The following DYNLL2 variants were observed in gnomAD, a reference collection of about 807,000 sequenced individuals.
DYNLL2 encodes dynein light chain 2, cytoplasmic.
DYNLL2 carries 1 observed loss-of-function variant against 9.7 expected under a neutral mutation model. The ratio of observed to expected loss-of-function variants is 0.10; its 90% CI spans 0.04 to 0.49. DYNLL2 has a LOEUF of 0.49. Ranked by LOEUF, DYNLL2 falls within the 20% of genes least tolerant of loss-of-function variation. The probability of loss-of-function intolerance (pLI) is 0.95; values close to 1 mark genes in which losing one functional copy is unlikely to be tolerated. For missense variants in DYNLL2, 37 were observed against 115.2 expected (o/e 0.32, Z 3.11); for synonymous variants, 35 against 40.5 (o/e 0.86, Z 0.52).
intron 2 of DYNLL2, among the ~76,000 whole-genome samples, chr17:58,087,502 T>A (rs1156513365): frequency 6.6e-6 from 1 of 152,150 alleles, no homozygotes; most frequent in Non-Finnish European, 1.5e-5. Flanking sequence ...AAGGATAAGA[T>A]TATGCAGAGA....
In DYNLL2 at chr17:58,089,773, G is replaced by A; in HGVS notation, c.*494G>A. The A allele has an allele frequency of 2.5e-6, 1 of 401,066 alleles. No individual in the cohort carries two copies. Among genetic ancestry groups the A allele is most frequent in the Non-Finnish European group, 4.4e-6 (1 of 227,974 alleles). The allele number at this position is 401,066 out of a possible 1,614,324, so 24.8% of individuals were successfully genotyped here. A position where few individuals can be genotyped will look rare whatever the true frequency, so the allele number is the denominator to read the frequency against. ...CAAGGAAAAAGGGGTAGGAAGGAAGGTGGAGGGATTGATCTAGTACCAGGG... is the reference window on the plus strand; with the variant it reads ...CAAGGAAAAAGGGGTAGGAAGGAAGATGGAGGGATTGATCTAGTACCAGGG... On this transcript the variant is annotated 3_prime_UTR_variant, in exon 3 of 3. Coordinates refer to ENST00000579991, the MANE Select transcript of DYNLL2 (RefSeq NM_080677.3).
chr17:58,084,139 G>A (rs1398714344), intron 1 of DYNLL2, among the ~76,000 whole-genome samples: 1 of 151,982 alleles, frequency 6.6e-6, no homozygotes, highest in African/African-American at 2.4e-5. Context: ...GGCCGGGTGG[G>A]GGAGGGCGGC....
intron 2 of DYNLL2, 67 bp from the exon 3 acceptor site, chr17:58,089,074 TC>T: frequency 6.3e-7 from 1 of 1,589,596 alleles, no homozygotes; most frequent in Non-Finnish European, 8.6e-7. Flanking sequence ...AGGGAGAGAC[TC>T]CCATTCTGAT....
rs1462288593 is a variant in DYNLL2, at chr17:58,095,358, T to C, written c.*6079T>C. The C allele has an allele frequency of 6.6e-6, 1 of 152,178 alleles. No homozygotes were observed. Among genetic ancestry groups the C allele is most frequent in the East Asian group, 1.9e-4 (1 of 5,200 alleles). 9.4% of individuals were successfully genotyped at this position (152,178 alleles called of 1,614,324 possible). On this transcript the variant is annotated 3_prime_UTR_variant, in exon 3 of 3. Transcript: ENST00000579991. ...CCTGTGGACCATAGTATACCAACCCTTAATCTAAATGACACATTCACATGA... is the reference window on the plus strand; with the variant it reads ...CCTGTGGACCATAGTATACCAACCCCTAATCTAAATGACACATTCACATGA...
Position 58,093,546 on chromosome 17 carries a change from T to C in DYNLL2, c.*4267T>C, listed in dbSNP as rs561692480. ...ACTTAGCACTGTGATGCACAAAGGC[T>C]TAACTGGGTTTGGCAGCAAGGGTCT... On this transcript the variant is annotated 3_prime_UTR_variant, in exon 3 of 3. Transcript: ENST00000579991. The C allele has an allele frequency of 6.6e-6, 1 of 152,150 alleles. No homozygotes were observed. The highest frequency in any genetic ancestry group is 2.4e-5 in the African/African-American group (1 of 41,422). 9.4% of individuals were successfully genotyped at this position (152,150 alleles called of 1,614,324 possible). A position where few individuals can be genotyped will look rare whatever the true frequency, so the allele number is the denominator to read the frequency against.
In DYNLL2 at chr17:58,090,214, C is replaced by CTGTGTATATGTGTGAATATG. The variant is rs2075775095; in HGVS notation, c.*950_*969dup. ...CAAATTGATGTCTCCCTTGACTCTT[C>CTGTGTATATGTGTGAATATG]TGTGTATATGTGTGAATATGTGTGT... is the stretch of plus-strand genomic sequence containing the variant. On this transcript the variant is annotated 3_prime_UTR_variant, in exon 3 of 3. Transcript: ENST00000579991. 6.7e-6 allele frequency: 2 copies of CTGTGTATATGTGTGAATATG among 297,416 alleles called. No individual in the cohort carries two copies. Among genetic ancestry groups the CTGTGTATATGTGTGAATATG allele is most frequent in the African/African-American group, 4.4e-5 (2 of 45,968 alleles). The allele number at this position is 297,416 out of a possible 1,614,324, so 18.4% of individuals were successfully genotyped here. A position where few individuals can be genotyped will look rare whatever the true frequency, so the allele number is the denominator to read the frequency against.
Position 58,089,396 on chromosome 17 carries a change from C to A in DYNLL2, c.*117C>A. 1.5e-6 allele frequency: 2 copies of A among 1,343,896 alleles called. No homozygotes were observed. The highest frequency in any genetic ancestry group is 2.0e-6 in the Non-Finnish European group (2 of 978,224). The allele number at this position is 1,343,896 out of a possible 1,614,324, so 83.2% of individuals were successfully genotyped here. The stretch of plus-strand genomic sequence containing the variant: ...GTCCTCTCCAATGGCTGTGCTACTG[C>A]ATGGACTGTATACTCGATTTCATGT... On this transcript the variant is annotated 3_prime_UTR_variant, in exon 3 of 3. Transcript: ENST00000579991.
At position 58,090,664 on chromosome 17, in the gene DYNLL2, T is replaced by C. The variant is rs1011928080; in HGVS notation, c.*1385T>C. On this transcript the variant is annotated 3_prime_UTR_variant, in exon 3 of 3. Transcript: ENST00000579991. ...GTCTTGCAGTGGTGAAGCCAGGACATAGGAGATGGAGCAGGGCTGTGAGAG... is the reference window on the plus strand; with the variant it reads ...GTCTTGCAGTGGTGAAGCCAGGACACAGGAGATGGAGCAGGGCTGTGAGAG... 4.7e-5 allele frequency: 7 copies of C among 149,078 alleles called. No individual in the cohort carries two copies. Among genetic ancestry groups the C allele is most frequent in the African/African-American group, 1.8e-4 (7 of 39,836 alleles). The allele number at this position is 149,078 out of a possible 1,614,324, so 9.2% of individuals were successfully genotyped here. A position where few individuals can be genotyped will look rare whatever the true frequency, so the allele number is the denominator to read the frequency against.
chr17:58,085,741 T>C (rs2075757752), intron 1 of DYNLL2, among the ~76,000 whole-genome samples: 1 of 152,210 alleles, frequency 6.6e-6, no homozygotes, highest in Non-Finnish European at 1.5e-5. Context: ...GAAACAAGGC[T>C]ATTAAAATCT....
chr17:58,093,847 AC>A lies in DYNLL2; in HGVS notation c.*4569del, dbSNP rs976686602. The A allele has an allele frequency of 1.3e-5, 2 of 151,108 alleles. No homozygotes were observed. Among genetic ancestry groups the A allele is most frequent in the African/African-American group, 4.9e-5 (2 of 40,722 alleles). 9.4% of individuals were successfully genotyped at this position (151,108 alleles called of 1,614,324 possible). A position where few individuals can be genotyped will look rare whatever the true frequency, so the allele number is the denominator to read the frequency against. The stretch of plus-strand genomic sequence containing the variant: ...GCATAGCCCCTTCACTACCCTAGTA[AC>A]AAGTATGACCTGTTGCCTGTTGAGG... On this transcript the variant is annotated 3_prime_UTR_variant, in exon 3 of 3. Coordinates refer to ENST00000579991, the MANE Select transcript of DYNLL2 (RefSeq NM_080677.3).
At chr17:58,088,353 T>C (rs780417871) in intron 2 of DYNLL2, among the ~76,000 whole-genome samples, 5 of 152,212 alleles carry the variant, frequency 3.3e-5, no homozygotes, top group Non-Finnish European at 7.3e-5. Flanking sequence ...AGAGAAGTTG[T>C]ATGTTGAGCA....
At chr17:58,085,531 A>AG (rs1243990979) in intron 1 of DYNLL2, among the ~76,000 whole-genome samples, 3 of 152,076 alleles carry the variant, frequency 2.0e-5, no homozygotes, top group African/African-American at 7.2e-5. Flanking sequence ...ATGATGGGGG[A>AG]GATAGTTACT....
Position 58,083,554 on chromosome 17 carries a change from G to A in DYNLL2, c.-139G>A, listed in dbSNP as rs1453923837. The stretch of plus-strand genomic sequence containing the variant: ...AGGGAGCGATCGGCCTCGGGCTGCG[G>A]GAGCCGGAGACCGCGGCGGCGGCGG... On this transcript the variant is annotated 5_prime_UTR_variant, in exon 1 of 3. Coordinates refer to ENST00000579991, the MANE Select transcript of DYNLL2 (RefSeq NM_080677.3). 8 of 153,536 alleles carry A rather than the reference G, an allele frequency of 5.2e-5. No individual in the cohort carries two copies. The highest frequency in any genetic ancestry group is 1.0e-4 in the Non-Finnish European group (7 of 68,890). The allele number at this position is 153,536 out of a possible 1,614,324, so 9.5% of individuals were successfully genotyped here. A position where few individuals can be genotyped will look rare whatever the true frequency, so the allele number is the denominator to read the frequency against.
rs753864633 is a variant in DYNLL2 at position 58,089,445 on chromosome 17, A to G, written c.*166A>G. ...GTGTATGTCGCAGTAAACAAAACCAAACCTCTTTCTGTTTAGTTGCCTGGG... is the reference window on the plus strand; with the variant it reads ...GTGTATGTCGCAGTAAACAAAACCAGACCTCTTTCTGTTTAGTTGCCTGGG... On this transcript the variant is annotated 3_prime_UTR_variant, in exon 3 of 3. Coordinates refer to ENST00000579991, the MANE Select transcript of DYNLL2 (RefSeq NM_080677.3). 8.1e-5 allele frequency: 67 copies of G among 829,694 alleles called. No homozygotes were observed. The highest frequency in any genetic ancestry group is 1.1e-4 in the Non-Finnish European group (65 of 575,070). The allele number at this position is 829,694 out of a possible 1,614,324, so 51.4% of individuals were successfully genotyped here.
chr17:58,084,947 G>A (rs182098799), intron 1 of DYNLL2, among the ~76,000 whole-genome samples: 1 of 152,184 alleles, frequency 6.6e-6, no homozygotes, highest in Admixed American at 6.5e-5. Flanking sequence ...CTGTGCTGCT[G>A]TTGTACCTTT....
chr17:58,085,958 T>C (rs2075758540), intron 1 of DYNLL2, among the ~76,000 whole-genome samples: 1 of 152,154 alleles, frequency 6.6e-6, no homozygotes, highest in Non-Finnish European at 1.5e-5. Flanking sequence ...ACCAAAGAGA[T>C]GAGAAATCAG....
rs948074951 is a variant in DYNLL2 at position 58,089,645 on chromosome 17, G to T, written c.*366G>T. The T allele has an allele frequency of 8.3e-5, 35 of 420,214 alleles. No homozygotes were observed. The highest frequency in any genetic ancestry group is 7.0e-4 in the African/African-American group (34 of 48,916). The allele number at this position is 420,214 out of a possible 1,614,324, so 26.0% of individuals were successfully genotyped here. ...CTAGGAGGGCTGAGGAAAAGAAATA[G>T]GTCTCTGGAGGTGGAACTAAAACTG... On this transcript the variant is annotated 3_prime_UTR_variant, in exon 3 of 3. Transcript: ENST00000579991.
At chr17:58,084,657 A>G (rs991017642) in intron 1 of DYNLL2, among the ~76,000 whole-genome samples, 7 of 152,210 alleles carry the variant, frequency 4.6e-5, no homozygotes, top group Admixed American at 1.3e-4. Flanking sequence ...TAAGACCAAT[A>G]TTATGTAACC....
Position 58,091,869 on chromosome 17 carries a change from T to A in DYNLL2, c.*2590T>A, listed in dbSNP as rs1012995750. On this transcript the variant is annotated 3_prime_UTR_variant, in exon 3 of 3. Transcript: ENST00000579991. ...GTGCTTTGCCCTCTTTGTGTTACTA[T>A]TTCTTTACTCAAAAATATTTAAGAG... is the stretch of plus-strand genomic sequence containing the variant. 1 of 152,220 alleles carries A rather than the reference T, an allele frequency of 6.6e-6. No individual in the cohort carries two copies. The highest frequency in any genetic ancestry group is 2.4e-5 in the African/African-American group (1 of 41,434). The allele number at this position is 152,220 out of a possible 1,614,324, so 9.4% of individuals were successfully genotyped here.
Sources: gnomAD v4.1 joint callset for allele counts (sites outside exome capture counted in the v4.1 genomes callset) on GRCh38, gnomAD v4.1.1 for gene constraint, MANE v1.5 for transcripts, NCBI Gene and HGNC (gene_info 2026-07-23, HGNC 2026-07-21) for gene names.